GAN: variants seen among roughly 807,000 people sequenced by gnomAD.
GAN encodes the protein epididymis secretory sperm binding protein.
In GAN, 48 loss-of-function variants were observed where a neutral mutation model predicts 71.3. The ratio of observed to expected loss-of-function variants is 0.67; its 90% CI spans 0.53 to 0.86. GAN has a LOEUF of 0.86. GAN is among the 40% of genes least tolerant of loss of function. The pLI is 0.00. For synonymous variants in GAN, 386 were observed against 276.8 expected (o/e 1.39, Z -3.92); for missense variants, 928 against 770.1 (o/e 1.21, Z -2.43).
chr16:81,381,509 G>T lies in GAN; in HGVS notation c.*3913G>T, dbSNP rs996541259. On this transcript the variant is annotated 3_prime_UTR_variant, in exon 11 of 11. Coordinates refer to ENST00000648994, the MANE Select transcript of GAN (RefSeq NM_022041.4). The stretch of plus-strand genomic sequence containing the variant: ...CTCACTGAGCACTGGAGTCCAGGAA[G>T]TCAGTGAGAAGAGAGCAGCTGAGTG... 1 of 152,214 alleles carries T rather than the reference G, an allele frequency of 6.6e-6. No homozygotes were observed. Among genetic ancestry groups the T allele is most frequent in the Admixed American group, 6.5e-5 (1 of 15,284 alleles). 9.4% of individuals were successfully genotyped at this position (152,214 alleles called of 1,614,324 possible). A position where few individuals can be genotyped will look rare whatever the true frequency, so the allele number is the denominator to read the frequency against.
intron 5 of GAN, among the ~76,000 whole-genome samples, chr16:81,359,837 A>C (rs995685817): frequency 6.6e-6 from 1 of 152,196 alleles, no homozygotes; most frequent in Non-Finnish European, 1.5e-5. Context: ...TGATAATAAA[A>C]CGACGATAAC....
At position 81,315,165 on chromosome 16, in the gene GAN, C is replaced by G. The variant is rs1338543891; in HGVS notation, c.52C>G (p.Arg18Gly). The G allele has an allele frequency of 6.4e-7, 1 of 1,557,972 alleles. No homozygotes were observed. Among genetic ancestry groups the G allele is most frequent in the South Asian group, 1.2e-5 (1 of 83,956 alleles). ...SDPQHAARLL[R>G]ALSSFREESR... ...CCCTCAGCACGCCGCGCGTCTGCTG[C>G]GAGCGCTCAGCTCTTTCCGCGAGGA... Residue 18 changes from arginine to glycine, a missense_variant, in exon 1 of 11, where the codon CGA becomes GGA. Transcript: ENST00000648994.
intron 1 of GAN, among the ~76,000 whole-genome samples, chr16:81,351,363 T>A (rs949156799): frequency 1.3e-5 from 2 of 152,210 alleles, no homozygotes; most frequent in African/African-American, 2.4e-5. Context: ...TCATCTGTTT[T>A]GTTTTTGTTT....
At chr16:81,363,676 T>TC in intron 6 of GAN, 118 bp from the exon 7 acceptor site, 1 of 956,566 alleles carries the variant, frequency 1.0e-6, no homozygotes, top group Non-Finnish European at 1.7e-6. Context: ...GCTCTAGGAG[T>TC]CCCCATTGTC....
chr16:81,333,648 A>G (rs1038263009), intron 1 of GAN, among the ~76,000 whole-genome samples: 6 of 152,244 alleles, frequency 3.9e-5, no homozygotes, highest in African/African-American at 7.2e-5. Context: ...CATTAAGTCT[A>G]TGGTTAGAAG....
At chr16:81,370,956 C>T (rs916934783) in intron 9 of GAN, among the ~76,000 whole-genome samples, 2 of 151,718 alleles carry the variant, frequency 1.3e-5, no homozygotes, top group Non-Finnish European at 2.9e-5. Flanking sequence ...CACAGAGCAC[C>T]ACTCTAGCTG....
At chr16:81,347,527 T>C (rs908638645) in intron 1 of GAN, among the ~76,000 whole-genome samples, 10 of 152,198 alleles carry the variant, frequency 6.6e-5, no homozygotes, top group Admixed American at 5.2e-4. Context: ...TTTCTTGATA[T>C]ATTCCTTTGT....
chr16:81,315,185 C>G lies in GAN; in HGVS notation c.72C>G (p.Arg24=), dbSNP rs369086429. The G allele has an allele frequency of 1.9e-6, 3 of 1,573,456 alleles. No individual in the cohort carries two copies. The highest frequency in any genetic ancestry group is 1.4e-5 in the African/African-American group (1 of 71,876). The change falls in exon 1 of 11, where the codon CGC becomes CGG. Residue 24 remains arginine (R), a synonymous_variant. Coordinates refer to ENST00000648994, the MANE Select transcript of GAN (RefSeq NM_022041.4). The stretch of plus-strand genomic sequence containing the variant: ...TGCTGCGAGCGCTCAGCTCTTTCCG[C>G]GAGGAGTCTCGCTTCTGCGACGCGC... ...ARLLRALSSF[R]EESRFCDAHL...
At position 81,379,434 on chromosome 16, in the gene GAN, C is replaced by T. The variant is rs1321311273; in HGVS notation, c.*1838C>T. 6.6e-6 allele frequency: 1 copy of T among 152,090 alleles called. No individual in the cohort carries two copies. The highest frequency in any genetic ancestry group is 2.4e-5 in the African/African-American group (1 of 41,410). 9.4% of individuals were successfully genotyped at this position (152,090 alleles called of 1,614,324 possible). Reference sequence around the variant, plus strand: ...GCCAGAGGCACCAGGCCAGATGTGCCGCACAGTCATGTAATTCAATCATGT... The same window carrying T: ...GCCAGAGGCACCAGGCCAGATGTGCTGCACAGTCATGTAATTCAATCATGT... On this transcript the variant is annotated 3_prime_UTR_variant, in exon 11 of 11. Coordinates refer to ENST00000648994, the MANE Select transcript of GAN (RefSeq NM_022041.4).
intron 9 of GAN, 79 bp downstream of exon 9, chr16:81,365,557 G>A (rs1043850694): frequency 7.2e-7 from 1 of 1,382,800 alleles, no homozygotes; most frequent in Non-Finnish European, 1.0e-6. Context: ...GTTTAGTTTT[G>A]TTTTCAGTCA....
At chr16:81,357,981 A>T (rs1461843533) in intron 5 of GAN, 50 bp downstream of exon 5, 1 of 1,500,138 alleles carries the variant, frequency 6.7e-7, no homozygotes. Flanking sequence ...AGTAATGTGT[A>T]ATCTCAAGGT....
At chr16:81,368,414 CAT>C in intron 9 of GAN, among the ~76,000 whole-genome samples, 1 of 152,180 alleles carries the variant, frequency 6.6e-6, no homozygotes, top group East Asian at 1.9e-4. Context: ...CCCTGAGTAA[CAT>C]AGTGAGACCT....
At chr16:81,327,223 C>T (rs985044212) in intron 1 of GAN, among the ~76,000 whole-genome samples, 4 of 152,210 alleles carry the variant, frequency 2.6e-5, no homozygotes, top group African/African-American at 9.7e-5. Context: ...AATTGAGAAG[C>T]ATTCATTTCC....
chr16:81,373,929 G>A (rs766374028), intron 9 of GAN, among the ~76,000 whole-genome samples: 24 of 152,176 alleles, frequency 1.6e-4, no homozygotes, highest in Non-Finnish European at 3.1e-4. Flanking sequence ...CTTTAGTAGA[G>A]ATGAGGTTTC....
intron 3 of GAN, among the ~76,000 whole-genome samples, chr16:81,355,327 T>C (rs1204255328): frequency 6.6e-6 from 1 of 152,120 alleles, no homozygotes; most frequent in Non-Finnish European, 1.5e-5. Flanking sequence ...AAATTGTGAA[T>C]ACCTTGGAGG....
chr16:81,325,896 C>G (rs755266124), intron 1 of GAN, among the ~76,000 whole-genome samples: 2 of 152,224 alleles, frequency 1.3e-5, no homozygotes, highest in African/African-American at 4.8e-5. Flanking sequence ...CTTCACCTGT[C>G]TGTGAATATG....
chr16:81,324,647 C>T (rs1032327329), intron 1 of GAN, among the ~76,000 whole-genome samples: 4 of 151,826 alleles, frequency 2.6e-5, no homozygotes, highest in African/African-American at 9.7e-5. Flanking sequence ...ACTTCTGCTG[C>T]CATGTTGTGT....
intron 1 of GAN, among the ~76,000 whole-genome samples, chr16:81,332,495 C>T (rs147441997): frequency 1.8e-4 from 28 of 152,326 alleles, no homozygotes; most frequent in Admixed American, 5.2e-4. Context: ...CTTTTGCTGT[C>T]CCCCTTCCTT....
chr16:81,365,180 C>A, intron 8 of GAN, 70 bp downstream of exon 8: 2 of 1,580,904 alleles, frequency 1.3e-6, no homozygotes, highest in South Asian at 2.2e-5. Context: ...CTTACCCTGC[C>A]TGGCTTTTGT....
Sources: gnomAD v4.1 joint callset for allele counts (sites outside exome capture counted in the v4.1 genomes callset) on GRCh38, gnomAD v4.1.1 for gene constraint, MANE v1.5 for transcripts, NCBI Gene and HGNC (gene_info 2026-07-23, HGNC 2026-07-21) for gene names.